The following BANK1 variants were observed in gnomAD, a reference collection of about 807,000 sequenced individuals.
The protein encoded by BANK1 is B cell scaffold protein with ankyrin repeats 1.
BANK1 carries 95 observed loss-of-function variants against 94.5 expected under a neutral mutation model. The observed-to-expected ratio is 1.00, with a 90% CI of 0.85 to 1.19. The LOEUF (loss-of-function observed/expected upper bound fraction) is 1.19, where lower values mean the gene tolerates loss of function less well. BANK1 is among the 50% of genes most tolerant of loss of function. The pLI is 0.00. For missense variants in BANK1, 987 were observed against 932.2 expected, an observed-to-expected ratio of 1.06 and a Z score of -0.77; for synonymous variants, 334 against 308.4, an observed-to-expected ratio of 1.08 and a Z score of -0.87.
intron 4 of BANK1, among the ~76,000 whole-genome samples, chr4:101,865,255 A>G (rs575093368): frequency 2.0e-5 from 3 of 152,250 alleles, no homozygotes; most frequent in African/African-American, 7.2e-5. Flanking sequence ...GCTTACCTAG[A>G]GCAGAAGCCA....
chr4:101,835,716 G>C (rs1726798118), intron 2 of BANK1, among the ~76,000 whole-genome samples: 1 of 152,176 alleles, frequency 6.6e-6, no homozygotes, highest in Admixed American at 6.5e-5. Context: ...GACCTTCCTA[G>C]AACTAGTCAG....
At chr4:101,883,494 A>C (rs1035386030) in intron 5 of BANK1, among the ~76,000 whole-genome samples, 1 of 152,192 alleles carries the variant, frequency 6.6e-6, no homozygotes, top group Non-Finnish European at 1.5e-5. Context: ...TTCACTAATG[A>C]CTTATTAATT....
intron 1 of BANK1, among the ~76,000 whole-genome samples, chr4:101,814,627 G>A (rs1412958424): frequency 5.3e-5 from 8 of 152,200 alleles, no homozygotes; most frequent in Non-Finnish European, 1.2e-4. Flanking sequence ...GGTATGGTTT[G>A]ATACTTGAAG....
chr4:101,974,452 A>G (rs1272081106), intron 7 of BANK1, among the ~76,000 whole-genome samples: 4 of 152,210 alleles, frequency 2.6e-5, no homozygotes, highest in Non-Finnish European at 5.9e-5. Context: ...TCACTAGAGC[A>G]GTGCAAGTTT....
intron 3 of BANK1, among the ~76,000 whole-genome samples, chr4:101,860,810 GTGTA>G (rs1314652734): frequency 6.6e-6 from 1 of 152,192 alleles, no homozygotes; most frequent in African/African-American, 2.4e-5. Flanking sequence ...GAGAGTGCAT[GTGTA>G]CTATCCAAAT....
chr4:101,857,078 A>G (rs756235057), intron 3 of BANK1, among the ~76,000 whole-genome samples: 3 of 152,156 alleles, frequency 2.0e-5, no homozygotes, highest in Non-Finnish European at 2.9e-5. Flanking sequence ...CTTTCAGCCT[A>G]TGTCAACTGT....
At chr4:102,051,572 A>T (rs1192785337) in intron 11 of BANK1, among the ~76,000 whole-genome samples, 1 of 152,204 alleles carries the variant, frequency 6.6e-6, no homozygotes, top group African/African-American at 2.4e-5. Flanking sequence ...AGAAAAGTTA[A>T]TTGAGACAAA....
chr4:101,830,885 T>G (rs1426981446), intron 2 of BANK1, among the ~76,000 whole-genome samples: 1 of 152,162 alleles, frequency 6.6e-6, no homozygotes, highest in Non-Finnish European at 1.5e-5. Flanking sequence ...AAGCTATCAT[T>G]TTATCTTGGC....
At chr4:101,799,466 G>T (rs1419633177) in intron 1 of BANK1, among the ~76,000 whole-genome samples, 2 of 152,138 alleles carry the variant, frequency 1.3e-5, no homozygotes, top group African/African-American at 2.4e-5. Context: ...ATACCCAAAG[G>T]ATTATAAATC....
intron 6 of BANK1, among the ~76,000 whole-genome samples, chr4:101,914,177 T>C (rs1722754851): frequency 6.6e-6 from 1 of 152,186 alleles, no homozygotes; most frequent in Non-Finnish European, 1.5e-5. Flanking sequence ...TTCTTTCTAC[T>C]TGCAAGATGG....
rs28524647 is a variant in BANK1 at position 101,889,477 on chromosome 4, A to C, written c.904-5828A>C. Reference sequence around the variant, plus strand: ...GCCGGGCGCGGTGGCGGGCGCCTGTAGTCCCAGCTACTCGGGAGGCTGAGG... The same window carrying C: ...GCCGGGCGCGGTGGCGGGCGCCTGTCGTCCCAGCTACTCGGGAGGCTGAGG... On this transcript the variant is annotated intron_variant, in intron 5 of 16. Transcript: ENST00000322953. 5.9e-3 allele frequency among the ~76,000 whole-genome samples: 899 copies of C among 151,578 alleles called. 11 individuals carry two copies. The highest frequency in any genetic ancestry group is 0.02 in the African/African-American group (829 of 41,362).
chr4:101,918,033 A>G lies in BANK1; in HGVS notation c.1050A>G (p.Ala350=). The change falls in exon 7 of 17, where the codon GCA becomes GCG. Residue 350 remains alanine (A), a synonymous_variant. Coordinates refer to ENST00000322953, the MANE Select transcript of BANK1 (RefSeq NM_017935.5). ...FKELPTLLHC[A]AKFGLKNLAI... is the part of the protein sequence containing the mutation. Reference sequence around the variant, plus strand: ...AACTTCCAACTCTTCTCCACTGTGCAGCAAAATTTGGCTTAAAGAACCTGG... The same window carrying G: ...AACTTCCAACTCTTCTCCACTGTGCGGCAAAATTTGGCTTAAAGAACCTGG... The G allele has an allele frequency of 6.2e-7, 1 of 1,611,624 alleles. No homozygotes were observed. The highest frequency in any genetic ancestry group is 8.5e-7 in the Non-Finnish European group (1 of 1,178,364).
intron 2 of BANK1, among the ~76,000 whole-genome samples, chr4:101,843,668 G>A (rs1358335537): frequency 6.6e-6 from 1 of 152,080 alleles, no homozygotes; most frequent in Non-Finnish European, 1.5e-5. Flanking sequence ...TGTAATCCCA[G>A]CACTTTGGGA....
intron 6 of BANK1, among the ~76,000 whole-genome samples, chr4:101,902,747 G>C (rs1190172862): frequency 3.3e-5 from 5 of 152,208 alleles, no homozygotes; most frequent in Admixed American, 2.6e-4. Flanking sequence ...TTTGAGATCA[G>C]AGGCATTAAC....
intron 7 of BANK1, among the ~76,000 whole-genome samples, chr4:102,008,720 C>T (rs914834980): frequency 1.3e-5 from 2 of 152,118 alleles, no homozygotes; most frequent in Admixed American, 6.5e-5. Context: ...TTTCAGCTTA[C>T]AACATTTTTT....
intron 2 of BANK1, among the ~76,000 whole-genome samples, chr4:101,841,749 A>G (rs1430947008): frequency 6.7e-6 from 1 of 148,646 alleles, no homozygotes; most frequent in Non-Finnish European, 1.5e-5. Context: ...AGCATTAGGT[A>G]TATCTCCCAA....
intron 1 of BANK1, among the ~76,000 whole-genome samples, chr4:101,796,104 T>G (rs1725146909): frequency 6.6e-6 from 1 of 152,186 alleles, no homozygotes; most frequent in African/African-American, 2.4e-5. Context: ...AGTATACAGT[T>G]TAAGATGACA....
Position 101,874,353 on chromosome 4 carries a change from A to G in BANK1, c.903+3709A>G, listed in dbSNP as rs17031772. Reference sequence around the variant, plus strand: ...AAGGTTAATTTCTTCATTGAATTAAAGCTTAGATGTTAGCAGTTGTCTCCC... The same window carrying G: ...AAGGTTAATTTCTTCATTGAATTAAGGCTTAGATGTTAGCAGTTGTCTCCC... On this transcript the variant is annotated intron_variant, in intron 5 of 16. Coordinates refer to ENST00000322953, the MANE Select transcript of BANK1 (RefSeq NM_017935.5). Among the ~76,000 whole-genome samples the G allele has an allele frequency of 4.7e-3, 721 of 152,324 alleles. 13 individuals carry two copies. The East Asian group carries it at 0.058, about 12-fold the overall frequency.
intron 7 of BANK1, among the ~76,000 whole-genome samples, chr4:101,940,152 C>T (rs897949149): frequency 6.6e-6 from 1 of 151,448 alleles, no homozygotes; most frequent in Non-Finnish European, 1.5e-5. Flanking sequence ...GAGATATTTA[C>T]TTATTTCTCT....
Sources: allele counts gnomAD v4.1 joint callset (sites outside exome capture counted in the v4.1 genomes callset), GRCh38; gene constraint gnomAD v4.1.1; transcripts MANE v1.5; gene names NCBI Gene and HGNC (gene_info 2026-07-23, HGNC 2026-07-21).